The following ZMIZ2 variants were observed in gnomAD, a reference collection of about 807,000 sequenced individuals.
ZMIZ2 encodes the protein zinc finger MIZ domain-containing protein 2.
A neutral mutation model predicts 93.9 loss-of-function variants in ZMIZ2; 26 were observed. The ratio of observed to expected loss-of-function variants is 0.28; its 90% CI spans 0.20 to 0.38. The LOEUF (loss-of-function observed/expected upper bound fraction) is 0.38. Among genes scored for constraint, ZMIZ2 ranks in the 10% least tolerant of loss-of-function variants. The pLI, the probability that ZMIZ2 is intolerant of heterozygous loss-of-function variation, is 1.00. For missense variants in ZMIZ2, 1,023 were observed against 1,235.0 expected, an observed-to-expected ratio of 0.83 and a Z score of 2.57; for synonymous variants, 485 against 516.4, an observed-to-expected ratio of 0.94 and a Z score of 0.82.
At position 44,761,978 on chromosome 7, in the gene ZMIZ2, C is replaced by T. The variant is rs1265622568; in HGVS notation, c.1596+73C>T. The T allele has an allele frequency of 1.3e-4, 27 of 215,954 alleles. No homozygotes were observed. The highest frequency in any genetic ancestry group is 5.5e-4 in the African/African-American group (18 of 32,706). The allele number at this position is 215,954 out of a possible 1,614,324, so 13.4% of individuals were successfully genotyped here. A position where few individuals can be genotyped will look rare whatever the true frequency, so the allele number is the denominator to read the frequency against. On this transcript the variant is annotated intron_variant, in intron 11 of 18. Coordinates refer to ENST00000309315, the MANE Select transcript of ZMIZ2 (RefSeq NM_031449.4). The surrounding 1 kb of genome is among the most constrained non-coding windows in gnomAD (Gnocchi z 5.8). The stretch of plus-strand genomic sequence containing the variant: ...GTGGTGGGGCCTGGCCCAGCGGTGC[C>T]GTGGGGTGGGGCGGGGTGTGGGCGG...
At chr7:44,750,070 G>A (rs1790005468) in intron 1 of ZMIZ2, 1 of 152,326 alleles carries the variant, frequency 6.6e-6, no homozygotes, top group African/African-American at 2.4e-5. Context: ...GTTGCCGGTT[G>A]TAGATTTCTG....
intron 1 of ZMIZ2, among the ~76,000 whole-genome samples, chr7:44,749,193 A>G (rs912934193): frequency 2.0e-5 from 3 of 151,922 alleles, no homozygotes; most frequent in African/African-American, 7.2e-5. Flanking sequence ...TCTGCCGCCC[A>G]CCTGCCGGCA....
intron 1 of ZMIZ2, among the ~76,000 whole-genome samples, chr7:44,754,098 G>A (rs1790385681): frequency 6.6e-6 from 1 of 152,200 alleles, no homozygotes; most frequent in Non-Finnish European, 1.5e-5. Context: ...CCTAAAATCT[G>A]TGTATGGCTG....
chr7:44,750,358 A>AG (rs1425297900), intron 1 of ZMIZ2, among the ~76,000 whole-genome samples: 35 of 152,264 alleles, frequency 2.3e-4, no homozygotes, highest in Admixed American at 2.2e-3. Context: ...TTACAGGTAG[A>AG]GGGGGCAGGA....
chr7:44,763,304 A>G lies in ZMIZ2; in HGVS notation c.1751A>G (p.Asn584Ser), dbSNP rs748941959. 1 of 1,614,068 alleles carries G rather than the reference A, an allele frequency of 6.2e-7. No homozygotes were observed. The highest frequency in any genetic ancestry group is 1.1e-5 in the South Asian group (1 of 91,074). ...SGTIPGTPGP[N>S]GEDGVEQTAI... ...ACCATCCCTGGCACCCCTGGGCCCA[A>G]CGGAGAGGACGGGGTGGAGCAGACA... Residue 584 changes from asparagine to serine, a missense_variant, in exon 13 of 19, where the codon AAC (asparagine) becomes AGC (serine). Asn to Ser is a conservative substitution (Grantham distance 46). Coordinates refer to ENST00000309315, the MANE Select transcript of ZMIZ2 (RefSeq NM_031449.4). The surrounding 1 kb of genome is among the most constrained non-coding windows in gnomAD (Gnocchi z 5.6).
chr7:44,756,386 G>A, intron 2 of ZMIZ2, 39 bp from the exon 3 acceptor site: 1 of 1,613,802 alleles, frequency 6.2e-7, no homozygotes. Flanking sequence ...GACACCAGTG[G>A]CTTCCTGACC....
rs1790666469 is a variant in ZMIZ2, at chr7:44,757,126, T to C, written c.345T>C (p.Pro115=). The change falls in exon 4 of 19, where the codon CCT becomes CCC. Residue 115 remains proline, a synonymous_variant. Coordinates refer to ENST00000309315, the MANE Select transcript of ZMIZ2 (RefSeq NM_031449.4). ...QQGVYSRGGY[P]GAPGFTTGYA... The stretch of plus-strand genomic sequence containing the variant: ...GCGTGTACAGCCGCGGGGGCTACCC[T>C]GGGGCCCCCGGCTTCACCACCGGGT... The C allele has an allele frequency of 1.3e-6, 2 of 1,596,170 alleles. No individual in the cohort carries two copies. Among genetic ancestry groups the C allele is most frequent in the Non-Finnish European group, 8.5e-7 (1 of 1,176,062 alleles).
Position 44,762,872 on chromosome 7 carries a change from G to C in ZMIZ2, c.1597-9G>C. On this transcript the variant is annotated splice_polypyrimidine_tract_variant and intron_variant, in intron 11 of 18. Coordinates refer to ENST00000309315, the MANE Select transcript of ZMIZ2 (RefSeq NM_031449.4). ...GTCCCCCTGATGACATCCTCCCGTT[G>C]TATTGCAGTCCCACCTCTTCGTGCT... 6.3e-7 allele frequency: 1 copy of C among 1,599,484 alleles called. No individual in the cohort carries two copies. Among genetic ancestry groups the C allele is most frequent in the South Asian group, 1.1e-5 (1 of 89,966 alleles).
At position 44,757,389 on chromosome 7, in the gene ZMIZ2, G is replaced by A. The variant is rs759216288; in HGVS notation, c.380G>A (p.Gly127Asp). The A allele has an allele frequency of 1.2e-6, 2 of 1,600,522 alleles. No individual in the cohort carries two copies. The highest frequency in any genetic ancestry group is 2.2e-5 in the East Asian group (1 of 44,836). ...TGTGTCTCCTGCAGGTATGCAGGCG[G>A]CCCGGGGGGCCTGGGCCTCCCCTCA... Reference protein sequence around the residue: ...APGFTTGYAGGPGGLGLPSHA... With the variant: ...APGFTTGYAGDPGGLGLPSHA... The change falls in exon 5 of 19, where the codon GGC (glycine) becomes GAC (aspartate). Residue 127 changes from glycine to aspartate, a missense_variant. By Grantham distance (94) the Gly-to-Asp change is moderately conservative. This residue lies in a region of ZMIZ2 where 656 missense variants were observed against 777.1 expected (regional missense o/e 0.84). Coordinates refer to ENST00000309315, the MANE Select transcript of ZMIZ2 (RefSeq NM_031449.4).
chr7:44,764,583 T>A (rs919380131), intron 14 of ZMIZ2, 97 bp downstream of exon 14: 1 of 1,376,294 alleles, frequency 7.3e-7, no homozygotes. Context: ...GATACGAGCC[T>A]GCTGGGAGGA....
At position 44,767,527 on chromosome 7, in the gene ZMIZ2, A is replaced by G; in HGVS notation, c.2667A>G (p.Glu889=). 1 of 1,614,076 alleles carries G rather than the reference A, an allele frequency of 6.2e-7. No homozygotes were observed. Among genetic ancestry groups the G allele is most frequent in the African/African-American group, 1.3e-5 (1 of 75,008 alleles). The change falls in exon 19 of 19, where the codon GAA becomes GAG. Residue 889 remains glutamate (E), a synonymous_variant. Coordinates refer to ENST00000309315, the MANE Select transcript of ZMIZ2 (RefSeq NM_031449.4). The part of the protein sequence containing the change: ...APEPALDLLP[E]LTNPDELLSY... ...CACTTTGTCCTCAGCTGCTCCCGGA[A>G]CTGACCAACCCTGATGAGCTACTGT...
At chr7:44,760,057 A>C (rs1791011676) in intron 7 of ZMIZ2, 94 bp from the exon 8 acceptor site, 2 of 1,273,426 alleles carry the variant, frequency 1.6e-6, no homozygotes, top group Non-Finnish European at 2.3e-6. Context: ...GAGTGTAAAG[A>C]AGACCGTGTA....
rs780840311 is a variant in ZMIZ2 at position 44,766,139 on chromosome 7, C to T, written c.2243-25C>T. 15 of 1,592,314 alleles carry T rather than the reference C, an allele frequency of 9.4e-6. No individual in the cohort carries two copies. The South Asian group carries it at 1.7e-4, about 18-fold the overall frequency. On this transcript the variant is annotated intron_variant, in intron 16 of 18. Coordinates refer to ENST00000309315, the MANE Select transcript of ZMIZ2 (RefSeq NM_031449.4). This position sits in a 1 kb window ranked among gnomAD's most constrained non-coding sequence, Gnocchi z 4.4. ...AGCGGTGGCCTTCCCCAGCCCTCAC[C>T]CAGGCCCCGACTCTCCTCTCACAGG...
intron 1 of ZMIZ2, among the ~76,000 whole-genome samples, chr7:44,750,517 G>A (rs906773312): frequency 1.3e-5 from 2 of 152,210 alleles, no homozygotes; most frequent in African/African-American, 4.8e-5. Flanking sequence ...GAGACAGTGA[G>A]TCCTGATGTG....
Position 44,761,813 on chromosome 7 carries a change from G to C in ZMIZ2, c.1504G>C (p.Asp502His). 6.2e-7 allele frequency: 1 copy of C among 1,613,718 alleles called. No homozygotes were observed. Among genetic ancestry groups the C allele is most frequent in the Non-Finnish European group, 8.5e-7 (1 of 1,180,016 alleles). ...CACGCCGCTCACCATCGAGCGTGGC[G>C]ACAACAAGACCTCGCACAAGCCACT... is the stretch of plus-strand genomic sequence containing the variant. ...NATPLTIERG[D>H]NKTSHKPLYL... The change falls in exon 11 of 19, where the codon GAC (aspartate) becomes CAC (histidine). Residue 502 changes from aspartate to histidine, a missense_variant. Asp to His is a moderately conservative substitution (Grantham distance 81). This residue lies in a region of ZMIZ2 where 656 missense variants were observed against 777.1 expected (regional missense o/e 0.84). Coordinates refer to ENST00000309315, the MANE Select transcript of ZMIZ2 (RefSeq NM_031449.4). This position sits in a 1 kb window ranked among gnomAD's most constrained non-coding sequence, Gnocchi z 5.8.
chr7:44,756,491 G>A lies in ZMIZ2; in HGVS notation c.117G>A (p.Leu39=), dbSNP rs1333504286. 5 of 1,614,092 alleles carry A rather than the reference G, an allele frequency of 3.1e-6. No individual in the cohort carries two copies. The highest frequency in any genetic ancestry group is 2.2e-5 in the South Asian group (2 of 91,092). The change falls in exon 3 of 19, where the codon CTG becomes CTA. Residue 39 remains leucine (L), a synonymous_variant. Transcript: ENST00000309315. ...QQSATQPAGS[L]SVVTTVWGVG... is the part of the protein sequence containing the mutation. The stretch of plus-strand genomic sequence containing the variant: ...GCGCCACTCAGCCGGCTGGATCGCT[G>A]TCTGTGGTCACTACTGTGTGGGGAG...
chr7:44,763,473 T>C lies in ZMIZ2; in HGVS notation c.1860+60T>C. The C allele has an allele frequency of 6.3e-7, 1 of 1,595,378 alleles. No individual in the cohort carries two copies. Among genetic ancestry groups the C allele is most frequent in the Non-Finnish European group, 8.6e-7 (1 of 1,168,324 alleles). On this transcript the variant is annotated intron_variant, in intron 13 of 18. Coordinates refer to ENST00000309315, the MANE Select transcript of ZMIZ2 (RefSeq NM_031449.4). The surrounding 1 kb of genome is among the most constrained non-coding windows in gnomAD (Gnocchi z 5.6). Reference sequence around the variant, plus strand: ...CTGCTGCTAAAATATCTTGAGTCGATACATCAGTGTCATTCTCTGGACAGA... The same window carrying C: ...CTGCTGCTAAAATATCTTGAGTCGACACATCAGTGTCATTCTCTGGACAGA...
intron 4 of ZMIZ2, 53 bp from the exon 5 acceptor site, chr7:44,757,325 C>T (rs1423261483): frequency 6.3e-7 from 1 of 1,580,454 alleles, no homozygotes; most frequent in Non-Finnish European, 8.6e-7. Context: ...TGAGCACAGT[C>T]CTGGCCCTCA....
In ZMIZ2 at chr7:44,761,405, T is replaced by C. The variant is rs367929633; in HGVS notation, c.1241-44T>C. On this transcript the variant is annotated intron_variant, in intron 9 of 18. Transcript: ENST00000309315. This position sits in a 1 kb window ranked among gnomAD's most constrained non-coding sequence, Gnocchi z 5.8. ...CCTCCTTGAGTGACACAAGACGCTC[T>C]GGCTGGGGCAACCCAGCTCACAGCC... 15 of 1,600,222 alleles carry C rather than the reference T, an allele frequency of 9.4e-6. No homozygotes were observed. Among genetic ancestry groups the C allele is most frequent in the African/African-American group, 1.3e-5 (1 of 74,938 alleles).
Sources: gnomAD v4.1 joint callset for allele counts (sites outside exome capture counted in the v4.1 genomes callset) on GRCh38, gnomAD v4.1.1 for gene constraint, gnomAD v4.1.1 regional missense constraint, Gnocchi (gnomAD v3.1) non-coding constraint, MANE v1.5 for transcripts, NCBI Gene and HGNC (gene_info 2026-07-23, HGNC 2026-07-21) for gene names.